Variants in SLC24A2 observed in about 807,000 individuals in gnomAD.
SLC24A2 encodes the protein solute carrier family 24 member 2, also known as sodium/potassium/calcium exchanger 2.
SLC24A2 carries 36 observed loss-of-function variants against 62.0 expected under a neutral mutation model. The observed-to-expected ratio is 0.58, with a 90% confidence interval of 0.44 to 0.77. The LOEUF is 0.77. Among genes scored for constraint, SLC24A2 ranks in the 30% least tolerant of loss-of-function variants. The probability of loss-of-function intolerance (pLI) is 0.00; values close to 1 mark genes in which losing one functional copy is unlikely to be tolerated. For missense variants in SLC24A2, 846 were observed against 817.9 expected, an observed-to-expected ratio of 1.03 and a Z score of -0.42; for synonymous variants, 358 against 294.0, an observed-to-expected ratio of 1.22 and a Z score of -2.23.
At chr9:19,518,374 G>A (rs1833035022) in intron 10 of SLC24A2, among the ~76,000 whole-genome samples, 1 of 151,624 alleles carries the variant, frequency 6.6e-6, no homozygotes, top group Admixed American at 6.6e-5. Flanking sequence ...AGGTTGGTGA[G>A]TTATTGATCT....
intron 2 of SLC24A2, among the ~76,000 whole-genome samples, chr9:19,716,152 T>C (rs1820853967): frequency 6.6e-6 from 1 of 152,112 alleles, no homozygotes; most frequent in South Asian, 2.1e-4. Context: ...TCACTCTATG[T>C]TTTCTTTCCT....
At chr9:19,552,604 T>C (rs964310607) in intron 7 of SLC24A2, among the ~76,000 whole-genome samples, 4 of 152,154 alleles carry the variant, frequency 2.6e-5, no homozygotes, top group Admixed American at 2.0e-4. Context: ...CATTCTGAGA[T>C]TGATGCCTCC....
chr9:19,774,047 G>A (rs998270825), intron 2 of SLC24A2, among the ~76,000 whole-genome samples: 5 of 152,088 alleles, frequency 3.3e-5, no homozygotes, highest in African/African-American at 1.2e-4. Context: ...GAGAGGTCTA[G>A]GAAATGAAAC....
chr9:19,807,173 G>C, the SLC24A2 span, among the ~76,000 whole-genome samples: 4 of 152,178 alleles, frequency 2.6e-5, no homozygotes, highest in Admixed American at 2.0e-4. Context: ...CTGCTGATCT[G>C]ACTCTTGAAC....
chr9:19,953,934 C>T, the SLC24A2 span, among the ~76,000 whole-genome samples: 1 of 151,724 alleles, frequency 6.6e-6, no homozygotes, highest in Admixed American at 6.6e-5. Flanking sequence ...AGTTTTCACA[C>T]TGTCCTATTG....
At chr9:20,081,124 C>A in the SLC24A2 span, among the ~76,000 whole-genome samples, 2 of 152,214 alleles carry the variant, frequency 1.3e-5, no homozygotes, top group African/African-American at 4.8e-5. Flanking sequence ...CATCCCATTA[C>A]TGGGCATAAA....
At chr9:19,547,748 AATTT>A (rs1400157053) in intron 8 of SLC24A2, among the ~76,000 whole-genome samples, 1 of 151,362 alleles carries the variant, frequency 6.6e-6, no homozygotes, top group Non-Finnish European at 1.5e-5. Context: ...CCCTTTTGGG[AATTT>A]AGAAAACTGT....
the SLC24A2 span, among the ~76,000 whole-genome samples, chr9:20,046,779 A>T: frequency 6.6e-6 from 1 of 152,104 alleles, no homozygotes; most frequent in Non-Finnish European, 1.5e-5. Flanking sequence ...TCCCCAGAGA[A>T]TCTCATTAGC....
At chr9:20,296,475 A>G in the SLC24A2 span, among the ~76,000 whole-genome samples, 2 of 152,374 alleles carry the variant, frequency 1.3e-5, no homozygotes, top group Middle Eastern at 3.4e-3. Flanking sequence ...TTTATTCACA[A>G]TGTTGACTTT....
chr9:19,777,775 G>A (rs1241761697), intron 2 of SLC24A2, among the ~76,000 whole-genome samples: 5 of 152,062 alleles, frequency 3.3e-5, no homozygotes, highest in Admixed American at 6.5e-5. Context: ...TGCTATATGC[G>A]AAAATGTGCA....
the SLC24A2 span, among the ~76,000 whole-genome samples, chr9:20,103,359 T>C: frequency 1.8e-4 from 27 of 152,304 alleles, no homozygotes; most frequent in East Asian, 5.2e-3. Flanking sequence ...TCTCCCAGCA[T>C]GCAGCTGGAG....
chr9:20,063,889 A>G, the SLC24A2 span, among the ~76,000 whole-genome samples: 1 of 152,186 alleles, frequency 6.6e-6, no homozygotes, highest in Admixed American at 6.6e-5. Flanking sequence ...GGAAATGTAA[A>G]ATGGTACATC....
At chr9:19,588,934 C>A (rs757552274) in intron 5 of SLC24A2, among the ~76,000 whole-genome samples, 11 of 152,306 alleles carry the variant, frequency 7.2e-5, no homozygotes, top group Non-Finnish European at 1.0e-4. Flanking sequence ...GCACTCCAGC[C>A]TGGGTGACAG....
chr9:20,177,578 T>C, the SLC24A2 span, among the ~76,000 whole-genome samples: 1 of 152,110 alleles, frequency 6.6e-6, no homozygotes, highest in Admixed American at 6.6e-5. Flanking sequence ...GTTTGGAACA[T>C]ATAGAGTCAG....
intron 2 of SLC24A2, among the ~76,000 whole-genome samples, chr9:19,776,348 T>A (rs1822846158): frequency 6.6e-6 from 1 of 152,230 alleles, no homozygotes. Flanking sequence ...CAATCATTTA[T>A]GTTTCCCAAT....
At chr9:19,718,613 T>G (rs1275494202) in intron 2 of SLC24A2, among the ~76,000 whole-genome samples, 1 of 151,966 alleles carries the variant, frequency 6.6e-6, no homozygotes, top group East Asian at 1.9e-4. Flanking sequence ...GCCCAGCCAA[T>G]TTAACACTCT....
chr9:19,961,704 C>CA, the SLC24A2 span, among the ~76,000 whole-genome samples: 1 of 152,198 alleles, frequency 6.6e-6, no homozygotes. Context: ...GTGGAAATGA[C>CA]AGTGTATGAC....
chr9:19,716,438 A>C (rs1449518175), intron 2 of SLC24A2, among the ~76,000 whole-genome samples: 1 of 152,232 alleles, frequency 6.6e-6, no homozygotes, highest in Non-Finnish European at 1.5e-5. Context: ...TCCTAGCTTC[A>C]TGGAGCTCCC....
At position 19,596,928 on chromosome 9, in the gene SLC24A2, G is replaced by A. The variant is rs1587011292; in HGVS notation, c.1129+301C>T. 2.6e-5 allele frequency among the ~76,000 whole-genome samples: 4 copies of A among 152,292 alleles called. No homozygotes were observed. The South Asian group carries it at 8.3e-4, about 32-fold the overall frequency. On this transcript the variant is annotated intron_variant, in intron 5 of 10. Transcript: ENST00000341998. Reference sequence around the variant, plus strand: ...TCTATATGTTTTGTGAGCATGTGGGGGAAAGTACTGGCGCAGTGGGTATTT... The same window carrying A: ...TCTATATGTTTTGTGAGCATGTGGGAGAAAGTACTGGCGCAGTGGGTATTT...
Sources: gnomAD v4.1 joint callset for allele counts (sites outside exome capture counted in the v4.1 genomes callset) on GRCh38, gnomAD v4.1.1 for gene constraint, MANE v1.5 for transcripts, NCBI Gene and HGNC (gene_info 2026-07-23, HGNC 2026-07-21) for gene names.